PCDHGA4: variants seen among roughly 807,000 people sequenced by gnomAD.
The protein encoded by PCDHGA4 is protocadherin gamma-A4.
In PCDHGA4, 38 loss-of-function variants were observed where a neutral mutation model predicts 54.6. That is an observed-to-expected ratio of 0.70 (90% CI 0.54 to 0.91). The LOEUF (loss-of-function observed/expected upper bound fraction) is 0.91. Among genes scored for constraint, PCDHGA4 ranks in the 40% least tolerant of loss-of-function variants. The pLI is 0.00. For synonymous variants in PCDHGA4, 511 were observed against 512.9 expected (o/e 1.00, Z 0.05); for missense variants, 1,298 against 1,220.9 (o/e 1.06, Z -0.94).
At chr5:141,469,721 A>G (rs1238006043) in intron 1 of PCDHGA4, among the ~76,000 whole-genome samples, 5 of 152,270 alleles carry the variant, frequency 3.3e-5, no homozygotes, top group African/African-American at 1.2e-4. Context: ...TTAGGAATTT[A>G]TCATAAATAC....
chr5:141,435,073 G>A (rs535689336), intron 1 of PCDHGA4, among the ~76,000 whole-genome samples: 150 of 151,756 alleles, frequency 9.9e-4, no homozygotes, highest in Middle Eastern at 3.4e-3. Flanking sequence ...TGTGTAGACC[G>A]TCTGATAACA....
chr5:141,407,169 G>A (rs946090447), intron 1 of PCDHGA4, among the ~76,000 whole-genome samples: 3 of 152,146 alleles, frequency 2.0e-5, no homozygotes, highest in Non-Finnish European at 4.4e-5. Flanking sequence ...AATCCTTTAT[G>A]ACATACAGAC....
At chr5:141,415,132 C>T (rs752622569) in intron 1 of PCDHGA4, 4 of 1,613,696 alleles carry the variant, frequency 2.5e-6, no homozygotes, top group Non-Finnish European at 3.4e-6. Flanking sequence ...CGTCCAGGAC[C>T]ACGGCCAGCC....
At chr5:141,383,927 A>C in intron 1 of PCDHGA4, 1 of 1,613,800 alleles carries the variant, frequency 6.2e-7, no homozygotes, top group Non-Finnish European at 8.5e-7. Context: ...GTAAATGATA[A>C]TGCTCCAGAA....
At chr5:141,433,070 CCCCAG>C in intron 1 of PCDHGA4, 1 of 1,614,174 alleles carries the variant, frequency 6.2e-7, no homozygotes, top group Non-Finnish European at 8.5e-7. Context: ...CCTGATCTTC[CCCCAG>C]CCCAACTATG....
intron 1 of PCDHGA4, chr5:141,388,735 C>A: frequency 6.2e-7 from 1 of 1,613,974 alleles, no homozygotes; most frequent in East Asian, 2.2e-5. Context: ...TTCAGTGAAG[C>A]TAGCCAGATC....
intron 1 of PCDHGA4, chr5:141,390,939 A>G (rs572047279): frequency 6.6e-6 from 1 of 152,412 alleles, no homozygotes; most frequent in Admixed American, 6.5e-5. Context: ...TTAGAAGATC[A>G]AAAGCAGATT....
chr5:141,393,078 A>G, intron 1 of PCDHGA4: 1 of 1,613,718 alleles, frequency 6.2e-7, no homozygotes, highest in Non-Finnish European at 8.5e-7. Context: ...CACCGCGGGC[A>G]GGATAGATCG....
rs1456176347 is a variant in PCDHGA4 at position 141,510,961 on chromosome 5, A to G, written c.2677A>G (p.Ser893Gly). 2 of 1,613,986 alleles carry G rather than the reference A, an allele frequency of 1.2e-6. No individual in the cohort carries two copies. Among genetic ancestry groups the G allele is most frequent in the Non-Finnish European group, 1.7e-6 (2 of 1,179,962 alleles). ...TGTCTCTGCAGAAGCTGCTGATGGG[A>G]GCTCCACCCTGGGAGGGGGTGCCGG... is the stretch of plus-strand genomic sequence containing the variant. Reference protein sequence around the residue: ...LASASEAADGSSTLGGGAGTM... With the variant: ...LASASEAADGGSTLGGGAGTM... Residue 893 changes from serine (S) to glycine (G), a missense_variant, in exon 4 of 4, where the codon AGC (serine) becomes GGC (glycine). Physicochemically the swap from Ser to Gly is moderately conservative, Grantham distance 56. Coordinates refer to ENST00000571252, the MANE Select transcript of PCDHGA4 (RefSeq NM_018917.4).
rs2099693161 is a variant in PCDHGA4, at chr5:141,489,871, G to T, written c.2515-4936G>T. ...TGAAGCCCAGGCAAGACATCAGCTG[G>T]TGCTTACTGCTGTGGATGGGGGGAC... On this transcript the variant is annotated intron_variant, in intron 1 of 3. Coordinates refer to ENST00000571252, the MANE Select transcript of PCDHGA4 (RefSeq NM_018917.4). This position sits in a 1 kb window ranked among gnomAD's most constrained non-coding sequence, Gnocchi z 4.5. The T allele has an allele frequency of 6.2e-7, 1 of 1,614,088 alleles. No homozygotes were observed. Among genetic ancestry groups the T allele is most frequent in the Non-Finnish European group, 8.5e-7 (1 of 1,180,022 alleles).
At chr5:141,394,798 T>C (rs770334197) in intron 1 of PCDHGA4, 1 of 1,613,818 alleles carries the variant, frequency 6.2e-7, no homozygotes, top group Non-Finnish European at 8.5e-7. Flanking sequence ...ACGCTCACCG[T>C]AGCCGTGGCT....
chr5:141,450,826 A>ATTTT (rs764729742), intron 1 of PCDHGA4, among the ~76,000 whole-genome samples: 5 of 134,360 alleles, frequency 3.7e-5, no homozygotes, highest in East Asian at 2.1e-4. Flanking sequence ...TATTATTATT[A>ATTTT]TTATTTTTTT....
At chr5:141,429,297 T>C (rs985228754) in intron 1 of PCDHGA4, 7 of 152,208 alleles carry the variant, frequency 4.6e-5, no homozygotes, top group Admixed American at 3.3e-4. Flanking sequence ...GGGACATCAA[T>C]ATTTGAGTAT....
Position 141,489,902 on chromosome 5 carries a change from C to T in PCDHGA4, c.2515-4905C>T. The T allele has an allele frequency of 6.2e-7, 1 of 1,614,218 alleles. No individual in the cohort carries two copies. The highest frequency in any genetic ancestry group is 8.5e-7 in the Non-Finnish European group (1 of 1,180,032). On this transcript the variant is annotated intron_variant, in intron 1 of 3. Transcript: ENST00000571252. This position sits in a 1 kb window ranked among gnomAD's most constrained non-coding sequence, Gnocchi z 4.5. Reference sequence around the variant, plus strand: ...ACTGCTGTGGATGGGGGGACCCCAGCCCGCTCAGGGACCACCCTTATCTCT... The same window carrying T: ...ACTGCTGTGGATGGGGGGACCCCAGTCCGCTCAGGGACCACCCTTATCTCT...
At chr5:141,452,412 T>G (rs1009940351) in intron 1 of PCDHGA4, among the ~76,000 whole-genome samples, 2 of 152,222 alleles carry the variant, frequency 1.3e-5, no homozygotes, top group Non-Finnish European at 2.9e-5. Context: ...GTGTGAGGTA[T>G]GCTCACTGCT....
At chr5:141,399,739 C>T (rs774893843) in intron 1 of PCDHGA4, 2 of 1,613,218 alleles carry the variant, frequency 1.2e-6, no homozygotes, top group Non-Finnish European at 1.7e-6. Flanking sequence ...CTCGCCTGCG[C>T]TCAGCGCAAA....
chr5:141,490,482 G>A lies in PCDHGA4; in HGVS notation c.2515-4325G>A. On this transcript the variant is annotated intron_variant, in intron 1 of 3. Coordinates refer to ENST00000571252, the MANE Select transcript of PCDHGA4 (RefSeq NM_018917.4). The surrounding 1 kb of genome is among the most constrained non-coding windows in gnomAD (Gnocchi z 5.4). ...TGCTAACCAGCCAGCCTTTGGACCG[G>A]GAGGCCACATCCCACTATATCATCG... 2.5e-6 allele frequency: 4 copies of A among 1,614,154 alleles called. No homozygotes were observed. In the South Asian group the frequency reaches 4.4e-5, roughly 18 times the overall value.
chr5:141,372,572 C>T (rs1199574805), intron 1 of PCDHGA4: 4 of 1,614,056 alleles, frequency 2.5e-6, no homozygotes, highest in East Asian at 4.5e-5. Flanking sequence ...CTGAGGGCTA[C>T]TTTCAGCCTG....
intron 1 of PCDHGA4, chr5:141,399,919 G>A: frequency 6.2e-7 from 1 of 1,612,300 alleles, no homozygotes; most frequent in Non-Finnish European, 8.5e-7. Flanking sequence ...AGGACACAAC[G>A]CCTGGCTGTC....
Sources: gnomAD v4.1 joint callset for allele counts (sites outside exome capture counted in the v4.1 genomes callset) on GRCh38, gnomAD v4.1.1 for gene constraint, Gnocchi (gnomAD v3.1) non-coding constraint, MANE v1.5 for transcripts, NCBI Gene and HGNC (gene_info 2026-07-23, HGNC 2026-07-21) for gene names.